The following STUM variants were observed in gnomAD, a reference collection of about 807,000 sequenced individuals.
The protein encoded by STUM is stum, mechanosensory transduction mediator homolog.
In STUM, 8 loss-of-function variants were observed where a neutral mutation model predicts 15.3. That is an observed-to-expected ratio of 0.52 (90% CI 0.31 to 0.94). STUM has a LOEUF of 0.94. STUM is among the 40% of genes least tolerant of loss of function. STUM has a pLI of 0.05. For synonymous variants in STUM, 78 were observed against 88.7 expected (o/e 0.88, Z 0.68); for missense variants, 142 against 204.9 (o/e 0.69, Z 1.87).
At chr1:226,577,867 G>A (rs941596529) in intron 1 of STUM, among the ~76,000 whole-genome samples, 2 of 152,172 alleles carry the variant, frequency 1.3e-5, no homozygotes, top group Admixed American at 1.3e-4. Context: ...GAGACAGTAG[G>A]GCGGGGGAGA....
intron 1 of STUM, among the ~76,000 whole-genome samples, chr1:226,589,002 C>A (rs1243586853): frequency 3.3e-5 from 5 of 152,196 alleles, no homozygotes; most frequent in Non-Finnish European, 7.3e-5. Context: ...CACTGAGGAG[C>A]AGCACATCAT....
intron 1 of STUM, among the ~76,000 whole-genome samples, chr1:226,594,951 G>T (rs185615671): frequency 1.3e-5 from 2 of 152,134 alleles, no homozygotes; most frequent in Admixed American, 1.3e-4. Flanking sequence ...CCACTGCGCC[G>T]AGCCCTGGAA....
intron 1 of STUM, among the ~76,000 whole-genome samples, chr1:226,568,829 C>T (rs1667661988): frequency 6.6e-6 from 1 of 152,268 alleles, no homozygotes. Flanking sequence ...ACAGACCTTG[C>T]TCCTGGTGCC....
chr1:226,578,351 AC>A (rs1183501018), intron 1 of STUM, among the ~76,000 whole-genome samples: 2 of 110,300 alleles, frequency 1.8e-5, no homozygotes, highest in African/African-American at 3.5e-5. Flanking sequence ...CACCGCCCCA[AC>A]CCCCAGCTTT....
chr1:226,596,293 C>T (rs1014491442), intron 1 of STUM, among the ~76,000 whole-genome samples: 2 of 152,096 alleles, frequency 1.3e-5, no homozygotes, highest in African/African-American at 4.8e-5. Context: ...GCTCTTGGCT[C>T]CTGTCCCTTA....
intron 1 of STUM, among the ~76,000 whole-genome samples, chr1:226,570,685 G>A (rs1667692629): frequency 6.6e-6 from 1 of 152,148 alleles, no homozygotes; most frequent in South Asian, 2.1e-4. Flanking sequence ...TGGAGCTGCA[G>A]CATCCAAACA....
rs367921040 is a variant in STUM at position 226,579,633 on chromosome 1, TC to T, written c.203-17168del. 4.1e-4 allele frequency among the ~76,000 whole-genome samples: 30 copies of T among 73,304 alleles called. 1 individual carries two copies. Among genetic ancestry groups the T allele is most frequent in the South Asian group, 3.0e-3 (5 of 1,692 alleles). 48.1% of individuals were successfully genotyped at this position (73,304 alleles called of 152,430 possible). On this transcript the variant is annotated intron_variant, in intron 1 of 3. Transcript: ENST00000366788. ...AACTTGGGAAGGCCTTATTTCTTTT[TC>T]TTTTTCTTTTTCTTTTGAGACAGGG...
intron 1 of STUM, among the ~76,000 whole-genome samples, chr1:226,573,468 C>T (rs542542476): frequency 2.0e-5 from 3 of 152,266 alleles, no homozygotes; most frequent in African/African-American, 7.2e-5. Context: ...CTTGCTGGAT[C>T]CAGGTGCTCA....
At position 226,552,358 on chromosome 1, in the gene STUM, G is replaced by C. The variant is rs931865817; in HGVS notation, c.202+3252G>C. 2.6e-5 allele frequency among the ~76,000 whole-genome samples: 4 copies of C among 152,118 alleles called. No individual in the cohort carries two copies. Among genetic ancestry groups the C allele is most frequent in the African/African-American group, 9.7e-5 (4 of 41,398 alleles). On this transcript the variant is annotated intron_variant, in intron 1 of 3. Coordinates refer to ENST00000366788, the MANE Select transcript of STUM (RefSeq NM_001003665.4). The surrounding 1 kb of genome is among the most constrained non-coding windows in gnomAD (Gnocchi z 4.7). ...AGAGAGTCACCTCTAGTCCTATTCAGTGAAACTCTACTAATAAAGACCACC... is the reference window on the plus strand; with the variant it reads ...AGAGAGTCACCTCTAGTCCTATTCACTGAAACTCTACTAATAAAGACCACC...
At chr1:226,570,997 G>A (rs1341173427) in intron 1 of STUM, among the ~76,000 whole-genome samples, 5 of 152,146 alleles carry the variant, frequency 3.3e-5, no homozygotes, top group African/African-American at 4.8e-5. Context: ...TTTGGAGGCC[G>A]AGGCGGGAGG....
At chr1:226,580,520 C>G (rs758068656) in intron 1 of STUM, among the ~76,000 whole-genome samples, 3 of 152,008 alleles carry the variant, frequency 2.0e-5, no homozygotes, top group Non-Finnish European at 4.4e-5. Context: ...CAGAGGGGGA[C>G]AAGTCATACC....
intron 1 of STUM, among the ~76,000 whole-genome samples, chr1:226,569,022 G>A (rs1667665949): frequency 2.0e-5 from 2 of 102,388 alleles, no homozygotes; most frequent in Admixed American, 1.7e-4. Context: ...GCCCACACGT[G>A]CATGCTTCCC....
chr1:226,562,358 A>G (rs1667556474), intron 1 of STUM, among the ~76,000 whole-genome samples: 1 of 151,824 alleles, frequency 6.6e-6, no homozygotes, highest in Non-Finnish European at 1.5e-5. Flanking sequence ...AGTCTCAGTT[A>G]CTCGGGAGGC....
In STUM at chr1:226,599,559, C is replaced by T. The variant is rs185667545; in HGVS notation, c.383-1107C>T. The stretch of plus-strand genomic sequence containing the variant: ...AACAGAGGAAACTTTTCAGTTGTAA[C>T]AGTACACTTTGGCTTTTCGCATGGC... On this transcript the variant is annotated intron_variant, in intron 2 of 3. Transcript: ENST00000366788. 3.7e-4 allele frequency among the ~76,000 whole-genome samples: 57 copies of T among 152,364 alleles called. 1 individual carries two copies. Among genetic ancestry groups the T allele is most frequent in the Admixed American group, 2.9e-3 (44 of 15,302 alleles).
chr1:226,606,978 G>A lies in STUM; in HGVS notation c.*4938G>A, dbSNP rs1442102863. On this transcript the variant is annotated 3_prime_UTR_variant, in exon 4 of 4. Coordinates refer to ENST00000366788, the MANE Select transcript of STUM (RefSeq NM_001003665.4). ...ACTCCTGCTGTTCCAGCCTCTGCAG[G>A]TGAAGCTGCAAGGTGAGCAGAGGCA... 2.0e-5 allele frequency: 3 copies of A among 152,356 alleles called. No homozygotes were observed. The highest frequency in any genetic ancestry group is 7.2e-5 in the African/African-American group (3 of 41,452). The allele number at this position is 152,356 out of a possible 1,614,324, so 9.4% of individuals were successfully genotyped here.
At position 226,548,991 on chromosome 1, in the gene STUM, C is replaced by A; in HGVS notation, c.87C>A (p.Ser29Arg). Reference sequence around the variant, plus strand: ...ACCCCCGGGGGGCGTCCTCGTCCAGCGGGGTGGTGGTGCAGGTCCGCGAGA... The same window carrying A: ...ACCCCCGGGGGGCGTCCTCGTCCAGAGGGGTGGTGGTGCAGGTCCGCGAGA... Reference protein sequence around the residue: ...AADPRGASSSSGVVVQVREKK... With the variant: ...AADPRGASSSRGVVVQVREKK... Residue 29 changes from serine to arginine, a missense_variant, in exon 1 of 4, where the codon AGC becomes AGA. Physicochemically the swap from Ser to Arg is moderately radical, Grantham distance 110. This residue lies in a region of STUM where 113 missense variants were observed against 134.4 expected (regional missense o/e 0.84). Transcript: ENST00000366788. 1.9e-6 allele frequency: 3 copies of A among 1,543,234 alleles called. No individual in the cohort carries two copies. Among genetic ancestry groups the A allele is most frequent in the Non-Finnish European group, 2.6e-6 (3 of 1,147,792 alleles).
intron 1 of STUM, among the ~76,000 whole-genome samples, chr1:226,584,836 T>A (rs1358392903): frequency 6.6e-6 from 1 of 152,210 alleles, no homozygotes; most frequent in Non-Finnish European, 1.5e-5. Flanking sequence ...CTGATAGACA[T>A]CCTTGAAGAG....
In STUM at chr1:226,600,820, G is replaced by A. The variant is rs1254382153; in HGVS notation, c.391+146G>A. ...ATGTTTAGCTTGAACTTTTGGTTTG[G>A]AAAATGCTTAAACATAGACAAAAGT... On this transcript the variant is annotated intron_variant, in intron 3 of 3. Coordinates refer to ENST00000366788, the MANE Select transcript of STUM (RefSeq NM_001003665.4). This position sits in a 1 kb window ranked among gnomAD's most constrained non-coding sequence, Gnocchi z 5.2. 1.1e-6 allele frequency: 1 copy of A among 894,572 alleles called. No homozygotes were observed. Among genetic ancestry groups the A allele is most frequent in the Non-Finnish European group, 1.7e-6 (1 of 572,040 alleles). 55.4% of individuals were successfully genotyped at this position (894,572 alleles called of 1,614,324 possible).
At chr1:226,577,958 T>C (rs980941497) in intron 1 of STUM, among the ~76,000 whole-genome samples, 1 of 152,100 alleles carries the variant, frequency 6.6e-6, no homozygotes, top group Non-Finnish European at 1.5e-5. Flanking sequence ...ACCCTTTTCT[T>C]TGGGGGAGGT....
Sources: allele counts gnomAD v4.1 joint callset (sites outside exome capture counted in the v4.1 genomes callset), GRCh38; gene constraint gnomAD v4.1.1; regional missense constraint gnomAD v4.1.1; non-coding constraint Gnocchi (gnomAD v3.1); transcripts MANE v1.5; gene names NCBI Gene and HGNC (gene_info 2026-07-23, HGNC 2026-07-21).